The following SLC4A4 variants were observed in gnomAD, a reference collection of about 807,000 sequenced individuals.
The protein encoded by SLC4A4 is electrogenic sodium bicarbonate cotransporter 1.
Under a neutral mutation model 111.5 loss-of-function variants are expected in SLC4A4, and 27 were observed. That is an observed-to-expected ratio of 0.24 (90% confidence interval 0.18 to 0.33). SLC4A4 has a LOEUF of 0.33. Ranked by LOEUF, SLC4A4 falls within the 10% of genes least tolerant of loss-of-function variation. The probability of loss-of-function intolerance (pLI) is 1.00; values close to 1 mark genes in which losing one functional copy is unlikely to be tolerated. For missense variants in SLC4A4, 909 were observed against 1,315.5 expected, an observed-to-expected ratio of 0.69 and a Z score of 4.78; for synonymous variants, 443 against 463.4, an observed-to-expected ratio of 0.96 and a Z score of 0.57.
intron 3 of SLC4A4, among the ~76,000 whole-genome samples, chr4:71,308,293 T>G (rs1459530399): frequency 6.6e-6 from 1 of 152,164 alleles, no homozygotes; most frequent in African/African-American, 2.4e-5. Flanking sequence ...TATTGACAAA[T>G]GAATAAATCA....
At chr4:71,534,415 T>C (rs1268623560) in intron 18 of SLC4A4, 27 bp downstream of exon 18, 4 of 1,608,048 alleles carry the variant, frequency 2.5e-6, no homozygotes, top group Non-Finnish European at 2.6e-6. Context: ...ATGTCTGTCA[T>C]TGCCTTCTAC....
intron 6 of SLC4A4, among the ~76,000 whole-genome samples, chr4:71,374,327 A>G (rs1732149243): frequency 6.6e-6 from 1 of 152,194 alleles, no homozygotes; most frequent in South Asian, 2.1e-4. Context: ...ATCTAAAGCA[A>G]TTCCAAGTAC....
chr4:71,169,522 T>A (rs1243992615), intron 2 of SLC4A4, among the ~76,000 whole-genome samples: 1 of 152,146 alleles, frequency 6.6e-6, no homozygotes, highest in Non-Finnish European at 1.5e-5. Flanking sequence ...TGTATTTAGA[T>A]CTTTTGCCCA....
chr4:71,117,770 T>C (rs1743307251), intron 2 of SLC4A4, among the ~76,000 whole-genome samples: 1 of 152,232 alleles, frequency 6.6e-6, no homozygotes. Flanking sequence ...TACATATATA[T>C]AGTCAATTAT....
At chr4:71,469,946 G>A (rs1289334469) in intron 13 of SLC4A4, among the ~76,000 whole-genome samples, 1 of 151,920 alleles carries the variant, frequency 6.6e-6, no homozygotes, top group Non-Finnish European at 1.5e-5. Flanking sequence ...TAATGGATTT[G>A]TTTCTCATCC....
Position 71,344,367 on chromosome 4 carries a change from A to T in SLC4A4, c.389+4862A>T, listed in dbSNP as rs567694714. The stretch of plus-strand genomic sequence containing the variant: ...TATCTGGGACATACCCTGCTGTCAG[A>T]ATGTTTTTGCAGTAATTTTTGACTC... On this transcript the variant is annotated intron_variant, in intron 4 of 25. Transcript: ENST00000264485. Among the ~76,000 whole-genome samples the T allele has an allele frequency of 4.6e-5, 7 of 152,214 alleles. No homozygotes were observed. The South Asian group carries it at 1.5e-3, about 32-fold the overall frequency.
intron 1 of SLC4A4, among the ~76,000 whole-genome samples, chr4:71,235,445 T>C (rs1719736451): frequency 6.6e-6 from 1 of 152,244 alleles, no homozygotes; most frequent in South Asian, 2.1e-4. Flanking sequence ...GAATACAGAA[T>C]GAACATTTGG....
At chr4:71,078,269 C>T (rs1741900782) in intron 1 of SLC4A4, among the ~76,000 whole-genome samples, 1 of 152,004 alleles carries the variant, frequency 6.6e-6, no homozygotes, top group South Asian at 2.1e-4. Context: ...GCCAAATGCC[C>T]ACTAGATGAC....
At chr4:71,094,652 A>G (rs1179987043) in intron 2 of SLC4A4, among the ~76,000 whole-genome samples, 1 of 152,232 alleles carries the variant, frequency 6.6e-6, no homozygotes, top group Admixed American at 6.5e-5. Context: ...AACAGGAAAT[A>G]TTAGCCACAT....
At chr4:71,244,796 G>A (rs542898790) in intron 2 of SLC4A4, among the ~76,000 whole-genome samples, 30 of 146,354 alleles carry the variant, frequency 2.0e-4, no homozygotes, top group Non-Finnish European at 3.4e-4. Flanking sequence ...TCTTTAAGCC[G>A]ATCAAAATGG....
chr4:71,492,220 G>A (rs1276246625), intron 15 of SLC4A4, among the ~76,000 whole-genome samples: 2 of 151,578 alleles, frequency 1.3e-5, no homozygotes, highest in African/African-American at 2.4e-5. Flanking sequence ...ATAGAATAAA[G>A]CAGTGAAGCC....
chr4:71,156,562 GTGTGCGCGCA>G (rs1397693653), intron 2 of SLC4A4, among the ~76,000 whole-genome samples: 5 of 22,406 alleles, frequency 2.2e-4, no homozygotes, highest in East Asian at 5.1e-3. Flanking sequence ...CCAAATAAGT[GTGTGCGCGCA>G]TGCGCGCGCG....
chr4:71,105,275 T>G (rs1300972174), intron 2 of SLC4A4, among the ~76,000 whole-genome samples: 1,613 of 149,594 alleles, frequency 0.011, 26 homozygotes, highest in African/African-American at 0.038. Context: ...TAAAAGAGGA[T>G]ACAAACAAAT....
chr4:71,395,139 G>A (rs926649817), intron 6 of SLC4A4, among the ~76,000 whole-genome samples: 4 of 152,126 alleles, frequency 2.6e-5, no homozygotes. Context: ...AAGCGTACAG[G>A]TGATGTGGAT....
chr4:71,537,329 G>A lies in SLC4A4; in HGVS notation c.2442+2941G>A, dbSNP rs1734611011. 3.3e-5 allele frequency among the ~76,000 whole-genome samples: 5 copies of A among 151,968 alleles called. No individual in the cohort carries two copies. The South Asian group carries it at 1.0e-3, about 31-fold the overall frequency. On this transcript the variant is annotated intron_variant, in intron 18 of 25. Transcript: ENST00000264485. ...TGTATACACATATGTCTACATATAT[G>A]TGTGTATATATTATACATATATGTG...
intron 2 of SLC4A4, among the ~76,000 whole-genome samples, chr4:71,165,629 AC>A (rs1744723534): frequency 6.6e-6 from 1 of 152,136 alleles, no homozygotes; most frequent in Admixed American, 6.5e-5. Flanking sequence ...GGTGCAGCAA[AC>A]CACCATGGCA....
At chr4:71,154,823 T>A (rs564055226) in intron 2 of SLC4A4, among the ~76,000 whole-genome samples, 9 of 152,146 alleles carry the variant, frequency 5.9e-5, no homozygotes, top group Non-Finnish European at 1.3e-4. Flanking sequence ...ACCATCATTA[T>A]TTCTTATATT....
Position 71,271,547 on chromosome 4 carries a change from T to G in SLC4A4, c.253+16148T>G, listed in dbSNP as rs74868321. On this transcript the variant is annotated intron_variant, in intron 3 of 25. Coordinates refer to ENST00000264485, the MANE Select transcript of SLC4A4 (RefSeq NM_001098484.3). ...CTAGGATTAATATTGTTCCTACAGT[T>G]GAATTTAATTTGTCTTTGAGCTTCC... Among the ~76,000 whole-genome samples, 222 of 152,312 alleles carry G rather than the reference T, an allele frequency of 1.5e-3. 2 individuals carry two copies. The highest frequency in any genetic ancestry group is 5.0e-3 in the African/African-American group (209 of 41,566).
At chr4:71,207,888 C>T (rs1310755280) in intron 1 of SLC4A4, among the ~76,000 whole-genome samples, 1 of 152,206 alleles carries the variant, frequency 6.6e-6, no homozygotes, top group African/African-American at 2.4e-5. Flanking sequence ...TCATAGCTCA[C>T]TGCAGTCTGC....
Sources: gnomAD v4.1 joint callset for allele counts (sites outside exome capture counted in the v4.1 genomes callset) on GRCh38, gnomAD v4.1.1 for gene constraint, MANE v1.5 for transcripts, NCBI Gene and HGNC (gene_info 2026-07-23, HGNC 2026-07-21) for gene names.